Variants in STIM1 observed in about 807,000 individuals in gnomAD.
STIM1 encodes stromal interaction molecule 1.
A neutral mutation model predicts 74.7 loss-of-function variants in STIM1; 25 were observed. That is an observed-to-expected ratio of 0.33 (90% CI 0.24 to 0.47). The LOEUF (loss-of-function observed/expected upper bound fraction) is 0.47, where lower values mean the gene tolerates loss of function less well. Ranked by LOEUF, STIM1 falls within the 20% of genes least tolerant of loss-of-function variation. STIM1 has a pLI of 1.00. For missense variants in STIM1, 728 were observed against 920.8 expected (o/e 0.79, Z 2.71); for synonymous variants, 328 against 348.8 (o/e 0.94, Z 0.66).
At chr11:3,875,695 C>T (rs562765352) in intron 1 of STIM1, among the ~76,000 whole-genome samples, 22 of 150,964 alleles carry the variant, frequency 1.5e-4, no homozygotes, top group Non-Finnish European at 8.9e-5. Flanking sequence ...CACTGCACTC[C>T]AGCCTGGGTG....
intron 1 of STIM1, among the ~76,000 whole-genome samples, chr11:3,867,666 C>A (rs764783165): frequency 4.6e-5 from 7 of 152,136 alleles, no homozygotes; most frequent in Non-Finnish European, 1.0e-4. Context: ...TCCTTCAAGA[C>A]GCTGGGGAGG....
chr11:3,952,096 ACT>A (rs937964628), intron 1 of STIM1, among the ~76,000 whole-genome samples: 4 of 151,686 alleles, frequency 2.6e-5, no homozygotes, highest in African/African-American at 9.7e-5. Context: ...AGAATCAAAG[ACT>A]CTCTTTGCTA....
chr11:3,854,894 T>C (rs929541194), upstream of STIM1: 1 of 152,314 alleles, frequency 6.6e-6, no homozygotes, highest in Admixed American at 6.5e-5. Flanking sequence ...CATTTTGCTT[T>C]CTGGCATCAT....
intron 1 of STIM1, among the ~76,000 whole-genome samples, chr11:3,884,626 C>T (rs1168995483): frequency 6.6e-6 from 1 of 152,134 alleles, no homozygotes; most frequent in African/African-American, 2.4e-5. Context: ...GGAGACCACT[C>T]TTTCTCTCAG....
chr11:3,887,798 C>T (rs1321849121), intron 1 of STIM1, among the ~76,000 whole-genome samples: 1 of 151,872 alleles, frequency 6.6e-6, no homozygotes, highest in Non-Finnish European at 1.5e-5. Flanking sequence ...GAAACCCTGC[C>T]TCTACTAAAA....
intron 1 of STIM1, among the ~76,000 whole-genome samples, chr11:3,910,857 C>T (rs939281491): frequency 6.6e-6 from 1 of 151,706 alleles, no homozygotes; most frequent in East Asian, 1.9e-4. Flanking sequence ...GTGGTGGTGC[C>T]TGCCTATAAT....
chr11:3,931,883 T>C (rs1033153888), intron 1 of STIM1, among the ~76,000 whole-genome samples: 1 of 152,170 alleles, frequency 6.6e-6, no homozygotes, highest in African/African-American at 2.4e-5. Flanking sequence ...GCCTACCCTG[T>C]GGAACACGGG....
At chr11:3,970,723 C>CA (rs950456674) in intron 2 of STIM1, among the ~76,000 whole-genome samples, 4 of 150,476 alleles carry the variant, frequency 2.7e-5, no homozygotes, top group East Asian at 1.9e-4. Flanking sequence ...AGGCAAGTAT[C>CA]AAAAAAAATC....
intron 1 of STIM1, among the ~76,000 whole-genome samples, chr11:3,869,445 C>T (rs1379047627): frequency 6.6e-6 from 1 of 152,126 alleles, no homozygotes; most frequent in Non-Finnish European, 1.5e-5. Flanking sequence ...TGAGGGAGAT[C>T]AGAGAAGCTT....
In STIM1 at chr11:3,941,667, T is replaced by TAGAGAGAG. The variant is rs1198619841; in HGVS notation, c.140-25884_140-25883insGAGAGAGA. Among the ~76,000 whole-genome samples, 22 of 56,126 alleles carry TAGAGAGAG rather than the reference T, an allele frequency of 3.9e-4. No homozygotes were observed. The South Asian group carries it at 6.1e-3, about 16-fold the overall frequency. 36.8% of individuals were successfully genotyped at this position (56,126 alleles called of 152,430 possible). On this transcript the variant is annotated intron_variant, in intron 1 of 12. Coordinates refer to ENST00000526596, the MANE Select transcript of STIM1 (RefSeq NM_001382567.1). The stretch of plus-strand genomic sequence containing the variant: ...GTGTGTGTATACATATATATATATA[T>TAGAGAGAG]ATATATAGAGAGAGAGAGAGAGAGA...
intron 2 of STIM1, among the ~76,000 whole-genome samples, chr11:4,017,686 A>G (rs928095150): frequency 6.6e-6 from 1 of 152,314 alleles, no homozygotes; most frequent in East Asian, 1.9e-4. Context: ...GTTGGAGCCT[A>G]TGAGGACCAA....
chr11:3,901,185 A>T (rs2135434433), intron 1 of STIM1, among the ~76,000 whole-genome samples: 1 of 152,288 alleles, frequency 6.6e-6, no homozygotes, highest in South Asian at 2.1e-4. Context: ...AGCCTCAAAA[A>T]AATAAATAAA....
intron 12 of STIM1, chr11:4,088,858 C>T: frequency 2.0e-6 from 2 of 985,374 alleles, no homozygotes; most frequent in African/African-American, 1.6e-5. Flanking sequence ...CTTTTCCCTC[C>T]TATATCTCCC....
intron 2 of STIM1, among the ~76,000 whole-genome samples, chr11:3,996,821 A>T (rs756086820): frequency 2.5e-4 from 38 of 152,196 alleles, no homozygotes; most frequent in Admixed American, 4.6e-4. Flanking sequence ...GTCAAACTAG[A>T]AGTCCCTTCT....
chr11:4,044,768 C>A (rs1418622288), intron 3 of STIM1, among the ~76,000 whole-genome samples: 1 of 152,200 alleles, frequency 6.6e-6, no homozygotes, highest in Non-Finnish European at 1.5e-5. Context: ...TAGAGTCCAT[C>A]TTCAGTGGAG....
intron 12 of STIM1, among the ~76,000 whole-genome samples, chr11:4,090,254 T>C (rs574005938): frequency 6.6e-6 from 1 of 152,220 alleles, no homozygotes; most frequent in East Asian, 1.9e-4. Flanking sequence ...GAATTGGTAT[T>C]ATCTTCATTA....
chr11:4,073,081 T>A (rs1200787863), intron 6 of STIM1, among the ~76,000 whole-genome samples: 1 of 130,714 alleles, frequency 7.7e-6, no homozygotes, highest in Admixed American at 8.3e-5. Flanking sequence ...ACAGATTGAG[T>A]TCTGTTTGTT....
At chr11:3,889,203 C>G (rs1210374606) in intron 1 of STIM1, among the ~76,000 whole-genome samples, 1 of 149,408 alleles carries the variant, frequency 6.7e-6, no homozygotes, top group Non-Finnish European at 1.5e-5. Flanking sequence ...ATTATCTTAT[C>G]CCTGAGGCCC....
chr11:3,858,282 A>C (rs2090464265), intron 1 of STIM1, among the ~76,000 whole-genome samples: 1 of 146,494 alleles, frequency 6.8e-6, no homozygotes, highest in South Asian at 2.2e-4. Flanking sequence ...AAGGCATTCT[A>C]GCCTTCCTCA....
Sources: allele counts gnomAD v4.1 joint callset (sites outside exome capture counted in the v4.1 genomes callset), GRCh38; gene constraint gnomAD v4.1.1; transcripts MANE v1.5; gene names NCBI Gene and HGNC (gene_info 2026-07-23, HGNC 2026-07-21).